The following ADGRL3 variants were observed in gnomAD, a reference collection of about 807,000 sequenced individuals.
The protein encoded by ADGRL3 is adhesion G protein-coupled receptor L3.
In ADGRL3, 62 loss-of-function variants were observed where a neutral mutation model predicts 153.5. The ratio of observed to expected loss-of-function variants is 0.40; its 90% CI spans 0.33 to 0.50. The LOEUF is 0.50. Among genes scored for constraint, ADGRL3 ranks in the 20% least tolerant of loss-of-function variants. The pLI is 0.47. For synonymous variants in ADGRL3, 710 were observed against 672.5 expected, an observed-to-expected ratio of 1.06 and a Z score of -0.86; for missense variants, 1,641 against 1,859.4, an observed-to-expected ratio of 0.88 and a Z score of 2.16.
At chr4:61,237,118 C>T (rs2149270696) in intron 1 of ADGRL3, among the ~76,000 whole-genome samples, 1 of 152,094 alleles carries the variant, frequency 6.6e-6, no homozygotes. Context: ...AGTTTATTTT[C>T]CCTATAGTGT....
chr4:61,766,981 A>T (rs1253058920), intron 8 of ADGRL3, among the ~76,000 whole-genome samples: 1 of 152,096 alleles, frequency 6.6e-6, no homozygotes, highest in Non-Finnish European at 1.5e-5. Flanking sequence ...TTAAAAGGCC[A>T]TGCTGTAGCA....
At chr4:61,586,336 C>A (rs886358783) in intron 4 of ADGRL3, among the ~76,000 whole-genome samples, 2 of 151,812 alleles carry the variant, frequency 1.3e-5, no homozygotes, top group African/African-American at 4.8e-5. Flanking sequence ...CACAAAAACA[C>A]CAAGACCTTT....
At chr4:61,900,315 C>A (rs1304979100) in intron 11 of ADGRL3, among the ~76,000 whole-genome samples, 2 of 151,484 alleles carry the variant, frequency 1.3e-5, no homozygotes, top group African/African-American at 4.8e-5. Context: ...TTTTTTCCCC[C>A]AGCAATCAGG....
intron 13 of ADGRL3, among the ~76,000 whole-genome samples, chr4:61,913,486 A>G (rs1037758241): frequency 2.6e-5 from 4 of 152,200 alleles, no homozygotes; most frequent in Non-Finnish European, 5.9e-5. Flanking sequence ...TTCTACATGT[A>G]TACATTTCAC....
At chr4:61,396,358 AAAAG>A (rs1192467896) in intron 2 of ADGRL3, among the ~76,000 whole-genome samples, 1 of 151,980 alleles carries the variant, frequency 6.6e-6, no homozygotes, top group Admixed American at 6.6e-5. Context: ...TTAATTTTAA[AAAAG>A]AAATTATTTA....
chr4:61,769,021 T>A (rs2097046482), intron 8 of ADGRL3, among the ~76,000 whole-genome samples: 1 of 149,468 alleles, frequency 6.7e-6, no homozygotes, highest in African/African-American at 2.5e-5. Flanking sequence ...AAAGCGGGAC[T>A]TGCCGCTAAG....
intron 2 of ADGRL3, among the ~76,000 whole-genome samples, chr4:61,466,542 A>G (rs1264985948): frequency 6.6e-6 from 1 of 152,172 alleles, no homozygotes; most frequent in East Asian, 1.9e-4. Flanking sequence ...TATTCACGCC[A>G]TTATATTGCC....
At chr4:61,654,816 G>A (rs1286073824) in intron 5 of ADGRL3, among the ~76,000 whole-genome samples, 2 of 151,960 alleles carry the variant, frequency 1.3e-5, no homozygotes, top group East Asian at 3.9e-4. Context: ...AGAATTGCTT[G>A]AACCCATGCG....
intron 2 of ADGRL3, among the ~76,000 whole-genome samples, chr4:61,433,670 A>AT (rs1474210243): frequency 6.6e-6 from 1 of 152,068 alleles, no homozygotes; most frequent in African/African-American, 2.4e-5. Flanking sequence ...ACATTTCTCT[A>AT]TAAGTACTGA....
At chr4:61,954,741 G>A (rs1342503707) in intron 17 of ADGRL3, among the ~76,000 whole-genome samples, 5 of 152,024 alleles carry the variant, frequency 3.3e-5, no homozygotes, top group South Asian at 2.1e-4. Context: ...CCACCACAAG[G>A]ACAGCGCTTG....
rs141545939 is a variant in ADGRL3 at position 61,828,420 on chromosome 4, C to T, written c.1480+14531C>T. ...TATAAATTAAAAAAAGCGCAGGGTGCGGGGGATGGGGTGGTGGATGTAGGG... is the reference window on the plus strand; with the variant it reads ...TATAAATTAAAAAAAGCGCAGGGTGTGGGGGATGGGGTGGTGGATGTAGGG... On this transcript the variant is annotated intron_variant, in intron 9 of 26. Coordinates refer to ENST00000683033, the MANE Select transcript of ADGRL3 (RefSeq NM_001387552.1). 4.8e-4 allele frequency among the ~76,000 whole-genome samples: 73 copies of T among 152,062 alleles called. 1 individual carries two copies. The East Asian group carries it at 9.8e-3, about 20-fold the overall frequency.
At chr4:61,265,232 A>G (rs1056529060) in intron 1 of ADGRL3, among the ~76,000 whole-genome samples, 3 of 151,952 alleles carry the variant, frequency 2.0e-5, no homozygotes, top group Non-Finnish European at 2.9e-5. Flanking sequence ...AGCTTGGGAA[A>G]AAAAACCTGT....
intron 6 of ADGRL3, among the ~76,000 whole-genome samples, chr4:61,729,140 A>G (rs1269290818): frequency 6.6e-6 from 1 of 152,004 alleles, no homozygotes; most frequent in African/African-American, 2.4e-5. Flanking sequence ...GTCATACTCC[A>G]AACCTCAGTA....
chr4:61,977,489 C>CA (rs2099052298), intron 17 of ADGRL3, among the ~76,000 whole-genome samples: 1 of 152,126 alleles, frequency 6.6e-6, no homozygotes, highest in Non-Finnish European at 1.5e-5. Context: ...GAGAACAAAG[C>CA]AGTTAAAGCA....
intron 9 of ADGRL3, among the ~76,000 whole-genome samples, chr4:61,824,212 A>G (rs2097780702): frequency 6.6e-6 from 1 of 152,174 alleles, no homozygotes; most frequent in Admixed American, 6.5e-5. Flanking sequence ...AGACATATCT[A>G]CTATTTACTC....
chr4:61,936,349 A>T (rs1172587657), intron 15 of ADGRL3, among the ~76,000 whole-genome samples: 1 of 152,190 alleles, frequency 6.6e-6, no homozygotes, highest in Non-Finnish European at 1.5e-5. Context: ...TTCCTCAAAA[A>T]GAGGAACTCT....
At chr4:61,811,927 C>T (rs2097629834) in intron 8 of ADGRL3, among the ~76,000 whole-genome samples, 1 of 151,922 alleles carries the variant, frequency 6.6e-6, no homozygotes. Flanking sequence ...ATTCTATATG[C>T]TAAGGTTATT....
intron 2 of ADGRL3, among the ~76,000 whole-genome samples, chr4:61,395,941 T>C (rs953944481): frequency 6.6e-6 from 1 of 151,952 alleles, no homozygotes; most frequent in Non-Finnish European, 1.5e-5. Flanking sequence ...GTGCTAATGC[T>C]AATTGACAAA....
rs777983837 is a variant in ADGRL3, at chr4:62,031,458, G to A, written c.3439G>A (p.Ala1147Thr). 6.2e-7 allele frequency: 1 copy of A among 1,609,478 alleles called. No homozygotes were observed. The highest frequency in any genetic ancestry group is 8.5e-7 in the Non-Finnish European group (1 of 1,177,032). Reference sequence around the variant, plus strand: ...TCTCTACAGGTCATGGGTTATAGGTGCAATAGCTCTTCTCTGCCTATTAGG... The same window carrying A: ...TCTCTACAGGTCATGGGTTATAGGTACAATAGCTCTTCTCTGCCTATTAGG... Reference protein sequence around the residue: ...RPFIKSWVIGAIALLCLLGLT... With the variant: ...RPFIKSWVIGTIALLCLLGLT... The change falls in exon 23 of 27, where the codon GCA (alanine) becomes ACA (threonine). Residue 1147 changes from alanine to threonine, a missense_variant. By Grantham distance (58) the Ala-to-Thr change is moderately conservative. This residue lies in a region of ADGRL3 where 517 missense variants were observed against 555.0 expected (regional missense o/e 0.93). Coordinates refer to ENST00000683033, the MANE Select transcript of ADGRL3 (RefSeq NM_001387552.1).
Sources: allele counts gnomAD v4.1 joint callset (sites outside exome capture counted in the v4.1 genomes callset), GRCh38; gene constraint gnomAD v4.1.1; regional missense constraint gnomAD v4.1.1; transcripts MANE v1.5; gene names NCBI Gene and HGNC (gene_info 2026-07-23, HGNC 2026-07-21).